PRKCB: variants seen among roughly 807,000 people sequenced by gnomAD.
The protein encoded by PRKCB is protein kinase C beta type.
A neutral mutation model predicts 81.5 loss-of-function variants in PRKCB; 13 were observed. The observed-to-expected ratio is 0.16, with a 90% CI of 0.10 to 0.25. The LOEUF (loss-of-function observed/expected upper bound fraction) is 0.25, where lower values mean the gene tolerates loss of function less well. PRKCB is among the 10% of genes least tolerant of loss of function. The pLI is 1.00. For missense variants in PRKCB, 509 were observed against 875.7 expected, an observed-to-expected ratio of 0.58 and a Z score of 5.29; for synonymous variants, 335 against 321.4, an observed-to-expected ratio of 1.04 and a Z score of -0.45.
At chr16:23,953,347 A>C (rs933982313) in intron 2 of PRKCB, among the ~76,000 whole-genome samples, 1 of 152,086 alleles carries the variant, frequency 6.6e-6, no homozygotes, top group Non-Finnish European at 1.5e-5. Context: ...AATGTGCACA[A>C]TCTGGCTACT....
intron 2 of PRKCB, among the ~76,000 whole-genome samples, chr16:23,863,215 C>CATACATATATATGTATATAT (rs1962710136): frequency 1.7e-5 from 1 of 58,070 alleles, no homozygotes; most frequent in Non-Finnish European, 4.2e-5. Flanking sequence ...TGTATATATA[C>CATACATATATATGTATATAT]ATACATATAT....
intron 16 of PRKCB, among the ~76,000 whole-genome samples, chr16:24,210,224 A>G (rs1389757868): frequency 1.3e-5 from 2 of 152,168 alleles, no homozygotes; most frequent in African/African-American, 2.4e-5. Flanking sequence ...CTGTCCTTAC[A>G]TGGCCATCAA....
chr16:24,034,402 C>A (rs1482986113), intron 4 of PRKCB, among the ~76,000 whole-genome samples: 2 of 152,174 alleles, frequency 1.3e-5, no homozygotes. Context: ...AACTAGCGTC[C>A]CCCTGGAGAA....
At chr16:23,962,634 T>C (rs1213054071) in intron 2 of PRKCB, among the ~76,000 whole-genome samples, 4 of 152,210 alleles carry the variant, frequency 2.6e-5, no homozygotes. Flanking sequence ...ATTGCCTGCC[T>C]TCCCCGTAAG....
intron 16 of PRKCB, among the ~76,000 whole-genome samples, chr16:24,192,884 T>C (rs1043753507): frequency 6.6e-6 from 1 of 152,136 alleles, no homozygotes; most frequent in Non-Finnish European, 1.5e-5. Flanking sequence ...GAATCACTGC[T>C]GTGGAGTTTG....
chr16:23,983,829 C>T (rs545445816), intron 2 of PRKCB, among the ~76,000 whole-genome samples: 1 of 152,228 alleles, frequency 6.6e-6, no homozygotes, highest in South Asian at 2.1e-4. Flanking sequence ...GATTCTCCTG[C>T]CTCAGTCTCC....
At position 23,910,729 on chromosome 16, in the gene PRKCB, A is replaced by G. The variant is rs183612902; in HGVS notation, c.205+73323A>G. Among the ~76,000 whole-genome samples the G allele has an allele frequency of 2.1e-3, 319 of 152,294 alleles. 1 individual carries two copies. Among genetic ancestry groups the G allele is most frequent in the African/African-American group, 7.3e-3 (302 of 41,558 alleles). On this transcript the variant is annotated intron_variant, in intron 2 of 16. Coordinates refer to ENST00000643927, the MANE Select transcript of PRKCB (RefSeq NM_002738.7). Reference sequence around the variant, plus strand: ...TGTACAATTCAGTGGTTTTAAACATATTTATAATGTTGTAAGCCATCACCA... The same window carrying G: ...TGTACAATTCAGTGGTTTTAAACATGTTTATAATGTTGTAAGCCATCACCA...
intron 2 of PRKCB, among the ~76,000 whole-genome samples, chr16:23,894,381 G>A (rs1963339656): frequency 6.6e-6 from 1 of 152,166 alleles, no homozygotes; most frequent in Admixed American, 6.5e-5. Context: ...GGGTCAAAAA[G>A]TGTGGCCATT....
intron 2 of PRKCB, 80 bp from the exon 3 acceptor site, chr16:23,988,428 A>G: frequency 2.7e-6 from 3 of 1,114,268 alleles, no homozygotes; most frequent in South Asian, 1.3e-5. Flanking sequence ...AAGTTTAATG[A>G]TCTCTTCCTC....
At chr16:24,119,350 C>G (rs190565429) in intron 8 of PRKCB, among the ~76,000 whole-genome samples, 25 of 152,058 alleles carry the variant, frequency 1.6e-4, no homozygotes, top group South Asian at 6.2e-4. Flanking sequence ...TCCCACCCCC[C>G]CAAAAAAGTC....
intron 5 of PRKCB, among the ~76,000 whole-genome samples, chr16:24,067,903 G>T (rs1315326994): frequency 6.7e-6 from 1 of 149,342 alleles, no homozygotes; most frequent in African/African-American, 2.5e-5. Flanking sequence ...GGAGGCGGAG[G>T]TTACAGTGAG....
intron 9 of PRKCB, among the ~76,000 whole-genome samples, chr16:24,132,554 C>G (rs1048312190): frequency 1.3e-5 from 2 of 152,134 alleles, no homozygotes; most frequent in Non-Finnish European, 2.9e-5. Context: ...ATGATAACAC[C>G]TAACATTTTT....
intron 3 of PRKCB, among the ~76,000 whole-genome samples, chr16:24,000,144 G>A (rs1194389734): frequency 6.6e-6 from 1 of 152,176 alleles, no homozygotes; most frequent in Non-Finnish European, 1.5e-5. Flanking sequence ...ATAGATTCCA[G>A]TGCCTCATTG....
At chr16:24,046,188 C>G (rs559214152) in intron 5 of PRKCB, among the ~76,000 whole-genome samples, 1 of 152,358 alleles carries the variant, frequency 6.6e-6, no homozygotes, top group South Asian at 2.1e-4. Context: ...TGTTGCTTTT[C>G]TGGATGGCTT....
chr16:24,186,463 C>G (rs1229995828), intron 15 of PRKCB, among the ~76,000 whole-genome samples: 1 of 152,172 alleles, frequency 6.6e-6, no homozygotes, highest in Non-Finnish European at 1.5e-5. Context: ...ATTAGACGCC[C>G]AGAAAATATG....
intron 10 of PRKCB, among the ~76,000 whole-genome samples, chr16:24,155,207 T>C (rs1967138488): frequency 6.6e-6 from 1 of 152,190 alleles, no homozygotes; most frequent in Non-Finnish European, 1.5e-5. Flanking sequence ...TCTAGACCTT[T>C]GGATAAATGC....
chr16:23,964,378 C>T (rs1210258179), intron 2 of PRKCB, among the ~76,000 whole-genome samples: 1 of 152,214 alleles, frequency 6.6e-6, no homozygotes, highest in East Asian at 1.9e-4. Flanking sequence ...CTATGGCTGC[C>T]TTTGCGCTAC....
intron 2 of PRKCB, among the ~76,000 whole-genome samples, chr16:23,894,595 G>A (rs904717671): frequency 9.9e-5 from 15 of 152,168 alleles, no homozygotes; most frequent in Non-Finnish European, 2.1e-4. Flanking sequence ...AGGTGCAAGC[G>A]CCTGCATGTG....
At chr16:23,994,389 C>T (rs963864357) in intron 3 of PRKCB, among the ~76,000 whole-genome samples, 1 of 152,230 alleles carries the variant, frequency 6.6e-6, no homozygotes, top group Admixed American at 6.5e-5. Flanking sequence ...AATCCCCATA[C>T]TGGTTCTTTG....
Sources: allele counts gnomAD v4.1 joint callset (sites outside exome capture counted in the v4.1 genomes callset), GRCh38; gene constraint gnomAD v4.1.1; transcripts MANE v1.5; gene names NCBI Gene and HGNC (gene_info 2026-07-23, HGNC 2026-07-21).